The following MAGI1 variants were observed in gnomAD, a reference collection of about 807,000 sequenced individuals.
MAGI1 encodes membrane-associated guanylate kinase, WW and PDZ domain-containing protein 1.
MAGI1 carries 58 observed loss-of-function variants against 139.9 expected under a neutral mutation model. The observed-to-expected ratio is 0.41, with a 90% CI of 0.34 to 0.52. The LOEUF (loss-of-function observed/expected upper bound fraction) is 0.52. MAGI1 is among the 20% of genes least tolerant of loss of function. The pLI, the probability that MAGI1 is intolerant of heterozygous loss-of-function variation, is 0.12. For synonymous variants in MAGI1, 812 were observed against 737.9 expected, an observed-to-expected ratio of 1.10 and a Z score of -1.63; for missense variants, 1,874 against 1,901.6, an observed-to-expected ratio of 0.99 and a Z score of 0.27.
intron 1 of MAGI1, among the ~76,000 whole-genome samples, chr3:66,018,714 G>A (rs775286684): frequency 4.6e-5 from 7 of 152,172 alleles, no homozygotes; most frequent in South Asian, 2.1e-4. Flanking sequence ...CTGAGTGCTC[G>A]GGGTCTTAAT....
chr3:65,401,504 A>G, intron 12 of MAGI1, 34 bp from the exon 13 acceptor site: 3 of 1,607,472 alleles, frequency 1.9e-6, no homozygotes, highest in East Asian at 2.2e-5. Flanking sequence ...GGAGGGGGGA[A>G]GAAATCATTA....
intron 1 of MAGI1, among the ~76,000 whole-genome samples, chr3:65,699,867 T>TA (rs1289766938): frequency 2.0e-5 from 3 of 148,636 alleles, no homozygotes; most frequent in Non-Finnish European, 4.5e-5. Context: ...CCCTAAAACT[T>TA]AAAGTATAAT....
At chr3:65,392,341 T>C (rs1341141768) in intron 13 of MAGI1, among the ~76,000 whole-genome samples, 1 of 152,158 alleles carries the variant, frequency 6.6e-6, no homozygotes, top group Non-Finnish European at 1.5e-5. Flanking sequence ...TAATCTCAGG[T>C]GTTTAGCATT....
rs916394546 is a variant in MAGI1 at position 65,429,344 on chromosome 3, A to G, written c.2167+176T>C. 3.9e-5 allele frequency among the ~76,000 whole-genome samples: 6 copies of G among 152,194 alleles called. No individual in the cohort carries two copies. The South Asian group carries it at 1.0e-3, about 26-fold the overall frequency. On this transcript the variant is annotated intron_variant, in intron 12 of 22. Transcript: ENST00000402939. The stretch of plus-strand genomic sequence containing the variant: ...ATCATTCTAACTGCATATGTCTGTC[A>G]TAATGTATAAACCACAATTTTTATG...
chr3:65,534,719 G>A (rs147736821), intron 2 of MAGI1, among the ~76,000 whole-genome samples: 49 of 152,272 alleles, frequency 3.2e-4, no homozygotes, highest in Admixed American at 1.2e-3. Flanking sequence ...GAACACTGAC[G>A]ATGATGGCAA....
At chr3:65,506,172 C>T (rs181625116) in intron 2 of MAGI1, among the ~76,000 whole-genome samples, 8 of 152,252 alleles carry the variant, frequency 5.3e-5, no homozygotes, top group East Asian at 3.9e-4. Flanking sequence ...GCAAACTGTG[C>T]AACCATAGAC....
chr3:65,597,713 C>T (rs971915974), intron 2 of MAGI1: 1 of 456,582 alleles, frequency 2.2e-6, no homozygotes, highest in African/African-American at 2.0e-5. Context: ...CCGCCGCCTG[C>T]CTGTCCCCAG....
At chr3:65,684,289 C>T (rs148562569) in intron 1 of MAGI1, among the ~76,000 whole-genome samples, 349 of 151,960 alleles carry the variant, frequency 2.3e-3, no homozygotes, top group Non-Finnish European at 3.2e-3. Flanking sequence ...GCAACAACCA[C>T]CAGTATGCCA....
chr3:65,995,550 G>C (rs2066400875), intron 1 of MAGI1, among the ~76,000 whole-genome samples: 1 of 151,076 alleles, frequency 6.6e-6, no homozygotes, highest in African/African-American at 2.4e-5. Flanking sequence ...TTTTTTTTGA[G>C]AAAGAGATCA....
chr3:65,507,692 C>T (rs73128933), intron 2 of MAGI1, among the ~76,000 whole-genome samples: 9,599 of 152,254 alleles, frequency 0.063, 352 homozygotes, highest in Admixed American at 0.093. Flanking sequence ...ATCATTTAGA[C>T]CCAGCTGATT....
At chr3:65,971,820 A>G (rs2065024968) in intron 1 of MAGI1, among the ~76,000 whole-genome samples, 1 of 152,188 alleles carries the variant, frequency 6.6e-6, no homozygotes, top group Non-Finnish European at 1.5e-5. Context: ...CCAGTGACCA[A>G]GGACCAGAAC....
intron 3 of MAGI1, among the ~76,000 whole-genome samples, chr3:65,487,258 C>G (rs1951693407): frequency 6.6e-6 from 1 of 152,188 alleles, no homozygotes. Context: ...AAGACCTTCG[C>G]ACACTTACAA....
chr3:65,718,885 G>A (rs1275311709), intron 1 of MAGI1, among the ~76,000 whole-genome samples: 1 of 151,350 alleles, frequency 6.6e-6, no homozygotes, highest in East Asian at 1.9e-4. Flanking sequence ...TCCTTCTTTT[G>A]TTTCCTTCCT....
intron 1 of MAGI1, among the ~76,000 whole-genome samples, chr3:66,028,001 C>T (rs989797331): frequency 6.6e-6 from 1 of 152,208 alleles, no homozygotes; most frequent in Non-Finnish European, 1.5e-5. Flanking sequence ...ACCTCCATTT[C>T]TCAGCTGAAA....
At chr3:65,507,062 G>T (rs1423262686) in intron 2 of MAGI1, among the ~76,000 whole-genome samples, 1 of 152,090 alleles carries the variant, frequency 6.6e-6, no homozygotes, top group South Asian at 2.1e-4. Context: ...ATACCACAGA[G>T]TGCAACATAT....
chr3:65,724,978 G>A (rs1264015186), intron 1 of MAGI1, among the ~76,000 whole-genome samples: 1 of 152,072 alleles, frequency 6.6e-6, no homozygotes, highest in African/African-American at 2.4e-5. Flanking sequence ...GGGATACAAA[G>A]CCTAACCATA....
intron 1 of MAGI1, among the ~76,000 whole-genome samples, chr3:65,877,422 G>A (rs1054583318): frequency 6.6e-6 from 1 of 152,112 alleles, no homozygotes; most frequent in Non-Finnish European, 1.5e-5. Flanking sequence ...AATGTGAGCA[G>A]CTCTCAAACA....
chr3:65,603,645 T>G (rs1328480130), intron 2 of MAGI1, among the ~76,000 whole-genome samples: 1 of 152,224 alleles, frequency 6.6e-6, no homozygotes. Flanking sequence ...AATATAAAGT[T>G]AAAGCAGAAC....
intron 1 of MAGI1, among the ~76,000 whole-genome samples, chr3:66,028,174 T>A (rs2068397224): frequency 6.6e-6 from 1 of 152,028 alleles, no homozygotes; most frequent in South Asian, 2.1e-4. Context: ...GGTGGGTGCA[T>A]GCCTGCAGTC....
Sources: allele counts gnomAD v4.1 joint callset (sites outside exome capture counted in the v4.1 genomes callset), GRCh38; gene constraint gnomAD v4.1.1; transcripts MANE v1.5; gene names NCBI Gene and HGNC (gene_info 2026-07-23, HGNC 2026-07-21).